Variants in AQP7B observed in about 807,000 individuals in gnomAD.
AQP7B encodes putative aquaporin-7B.
chr2:94,589,553 C>A, the AQP7B span, among the ~76,000 whole-genome samples: 3 of 152,064 alleles, frequency 2.0e-5, no homozygotes, highest in African/African-American at 7.3e-5. Context: ...CTGGTACCTT[C>A]GCTTATACAA....
At chr2:94,592,812 CTTTTTTTT>C in the AQP7B span, among the ~76,000 whole-genome samples, 2 of 51,706 alleles carry the variant, frequency 3.9e-5, no homozygotes, top group Non-Finnish European at 7.0e-5. Flanking sequence ...ATTAATTAAG[CTTTTTTTT>C]TTTTTTTTTT....
chr2:94,602,662 C>T, the AQP7B span: 38 of 1,541,982 alleles, frequency 2.5e-5, no homozygotes, highest in Non-Finnish European at 3.0e-5. Context: ...CAGGTGTCCC[C>T]AACAGGCTCT....
chr2:94,595,184 C>G, the AQP7B span, among the ~76,000 whole-genome samples: 1 of 152,262 alleles, frequency 6.6e-6, no homozygotes, highest in East Asian at 1.9e-4. Flanking sequence ...CCTGTAATTC[C>G]AGCACTTTGG....
chr2:94,588,423 G>T, the AQP7B span: 2 of 611,754 alleles, frequency 3.3e-6, no homozygotes, highest in African/African-American at 3.7e-5. Context: ...CTCCCCTGGG[G>T]ACCAAGGTCT....
the AQP7B span, among the ~76,000 whole-genome samples, chr2:94,593,059 C>A: frequency 1.3e-5 from 2 of 151,690 alleles, no homozygotes; most frequent in African/African-American, 2.4e-5. Flanking sequence ...AACTCCTGGG[C>A]TCAAGCGATC....
the AQP7B span, among the ~76,000 whole-genome samples, chr2:94,590,824 G>C: frequency 6.6e-6 from 1 of 151,334 alleles, no homozygotes; most frequent in Admixed American, 6.6e-5. Flanking sequence ...TGCTCCTGTA[G>C]TCCCAACTAC....
chr2:94,590,024 C>A, the AQP7B span, among the ~76,000 whole-genome samples: 7 of 152,206 alleles, frequency 4.6e-5, no homozygotes, highest in Non-Finnish European at 8.8e-5. Flanking sequence ...CTTCAGTCCT[C>A]ACCTCCCATG....
chr2:94,603,153 A>G, the AQP7B span: 1 of 1,527,618 alleles, frequency 6.5e-7, no homozygotes, highest in East Asian at 2.3e-5. Flanking sequence ...GGCAGCTGCC[A>G]CCATCTACAG....
At chr2:94,598,252 C>T in the AQP7B span, among the ~76,000 whole-genome samples, 1 of 152,066 alleles carries the variant, frequency 6.6e-6, no homozygotes, top group African/African-American at 2.4e-5. Context: ...CAGTGAGTCA[C>T]CAGGGTGAAG....
At chr2:94,587,868 G>GTCGGGGCTGGAGGGTTTCAGCAC in the AQP7B span, among the ~76,000 whole-genome samples, 1 of 152,098 alleles carries the variant, frequency 6.6e-6, no homozygotes, top group Non-Finnish European at 1.5e-5. Flanking sequence ...GGTTTCAGCA[G>GTCGGGGCTGGAGGGTTTCAGCAC]TCAGGGCTGG....
chr2:94,598,173 GT>G, the AQP7B span, among the ~76,000 whole-genome samples: 1 of 152,124 alleles, frequency 6.6e-6, no homozygotes, highest in Non-Finnish European at 1.5e-5. Context: ...TTGTGTTGTT[GT>G]TATTTTTAGT....
chr2:94,599,477 T>A, the AQP7B span, among the ~76,000 whole-genome samples: 1 of 152,160 alleles, frequency 6.6e-6, no homozygotes, highest in Non-Finnish European at 1.5e-5. Flanking sequence ...TGGCTTGATC[T>A]GCTGCTTGAT....
the AQP7B span, chr2:94,594,858 C>T: frequency 3.9e-6 from 6 of 1,539,652 alleles, no homozygotes; most frequent in Admixed American, 1.7e-5. Context: ...AGTTCATGAG[C>T]ACATATGTCA....
chr2:94,603,114 G>A, the AQP7B span: 3 of 1,568,750 alleles, frequency 1.9e-6, no homozygotes, highest in Non-Finnish European at 2.6e-6. Flanking sequence ...TCCAGTCCAT[G>A]TGCTGGGGCA....
chr2:94,594,657 A>G, the AQP7B span: 6 of 889,544 alleles, frequency 6.7e-6, no homozygotes, highest in South Asian at 5.7e-5. Flanking sequence ...TGGGTTACCT[A>G]TTAACTCAGC....
the AQP7B span, among the ~76,000 whole-genome samples, chr2:94,593,511 G>T: frequency 7.2e-6 from 1 of 139,190 alleles, no homozygotes. Context: ...TTGAGATGGA[G>T]TCTCGCTCTT....
At chr2:94,591,752 C>A in the AQP7B span, among the ~76,000 whole-genome samples, 2 of 152,116 alleles carry the variant, frequency 1.3e-5, no homozygotes, top group South Asian at 4.1e-4. Context: ...AGTCCTACGC[C>A]CAGAGTGATC....
chr2:94,604,198 T>C, the AQP7B span: 2 of 1,326,366 alleles, frequency 1.5e-6, no homozygotes, highest in South Asian at 2.8e-5. Context: ...TGGGGATGAC[T>C]CCTCTGCTCA....
chr2:94,596,181 A>G, the AQP7B span, among the ~76,000 whole-genome samples: 1 of 152,226 alleles, frequency 6.6e-6, no homozygotes, highest in Non-Finnish European at 1.5e-5. Context: ...GGGTTTGGCA[A>G]CGTGGAGGTT....
Sources: gnomAD v4.1 joint callset for allele counts (sites outside exome capture counted in the v4.1 genomes callset) on GRCh38, gnomAD v4.1.1 for gene constraint, MANE v1.5 for transcripts, NCBI Gene and HGNC (gene_info 2026-07-23, HGNC 2026-07-21) for gene names.